Variants in MECR observed in about 807,000 individuals in gnomAD.
MECR encodes mitochondrial trans-2-enoyl-CoA reductase.
In MECR, 37 loss-of-function variants were observed where a neutral mutation model predicts 49.1. That is an observed-to-expected ratio of 0.75 (90% CI 0.58 to 0.99). The LOEUF (loss-of-function observed/expected upper bound fraction) is 0.99. Ranked by LOEUF, MECR falls within the 50% of genes least tolerant of loss-of-function variation. The probability of loss-of-function intolerance (pLI) is 0.00; values close to 1 mark genes in which losing one functional copy is unlikely to be tolerated. For synonymous variants in MECR, 198 were observed against 191.1 expected, an observed-to-expected ratio of 1.04 and a Z score of -0.30; for missense variants, 470 against 479.6, an observed-to-expected ratio of 0.98 and a Z score of 0.19.
At chr1:29,179,094 T>C in the MECR span, among the ~76,000 whole-genome samples, 4 of 152,206 alleles carry the variant, frequency 2.6e-5, no homozygotes, top group East Asian at 3.9e-4. Flanking sequence ...TTTCCTCTTA[T>C]CGCTCCATCT....
chr1:29,183,280 T>C, the MECR span, among the ~76,000 whole-genome samples: 1 of 152,244 alleles, frequency 6.6e-6, no homozygotes, highest in Non-Finnish European at 1.5e-5. Context: ...TTATGGTTCA[T>C]ACCATTTTAT....
downstream of MECR, among the ~76,000 whole-genome samples, chr1:29,190,291 C>T (rs1019745872): frequency 6.6e-5 from 10 of 152,054 alleles, no homozygotes; most frequent in African/African-American, 2.4e-5. Context: ...GGGAAAATGG[C>T]GTGAACCCGG....
intron 1 of MECR, chr1:29,224,644 T>C (rs1036840495): frequency 1.3e-5 from 2 of 151,776 alleles, no homozygotes; most frequent in African/African-American, 2.4e-5. Context: ...AGAAAGGGAC[T>C]GTGAAGGTCT....
intron 3 of MECR, among the ~76,000 whole-genome samples, chr1:29,213,412 T>C (rs910510801): frequency 1.3e-5 from 2 of 151,516 alleles, no homozygotes; most frequent in East Asian, 2.0e-4. Flanking sequence ...TTTTTTTTTT[T>C]CCTGCCTAGT....
At chr1:29,185,080 T>C in the MECR span, among the ~76,000 whole-genome samples, 1 of 150,442 alleles carries the variant, frequency 6.6e-6, no homozygotes, top group African/African-American at 2.4e-5. Flanking sequence ...GAGCCAAGAT[T>C]GTGCCATTGC....
downstream of MECR, among the ~76,000 whole-genome samples, chr1:29,192,246 C>T (rs1039738195): frequency 2.0e-5 from 3 of 152,202 alleles, no homozygotes; most frequent in Non-Finnish European, 4.4e-5. Flanking sequence ...TCCCACATTT[C>T]CCCCACGTCT....
chr1:29,215,529 G>C (rs188442393), intron 3 of MECR, among the ~76,000 whole-genome samples: 1 of 151,756 alleles, frequency 6.6e-6, no homozygotes, highest in East Asian at 1.9e-4. Context: ...CCGAGATCGC[G>C]TCACTGCACT....
intron 1 of MECR, among the ~76,000 whole-genome samples, chr1:29,217,356 C>G (rs1441623075): frequency 6.6e-6 from 1 of 150,428 alleles, no homozygotes; most frequent in African/African-American, 2.4e-5. Flanking sequence ...ACTAGAGGTG[C>G]CTGCCACCAC....
At chr1:29,202,735 C>T (rs1675615195) in intron 5 of MECR, among the ~76,000 whole-genome samples, 1 of 152,150 alleles carries the variant, frequency 6.6e-6, no homozygotes, top group Non-Finnish European at 1.5e-5. Context: ...CTTCCAAGTA[C>T]CACACAAAAG....
intron 3 of MECR, among the ~76,000 whole-genome samples, chr1:29,210,516 T>C (rs900766076): frequency 3.3e-5 from 5 of 152,208 alleles, no homozygotes; most frequent in Non-Finnish European, 7.3e-5. Flanking sequence ...AAATGCTTAG[T>C]GCAGGGCTTT....
chr1:29,177,893 A>ATTTTTTTT, the MECR span, among the ~76,000 whole-genome samples: 18 of 93,620 alleles, frequency 1.9e-4, 1 homozygote, highest in African/African-American at 7.5e-4. Flanking sequence ...ATTACACAAG[A>ATTTTTTTT]TTTTTTTTTT....
chr1:29,176,690 A>G, the MECR span, among the ~76,000 whole-genome samples: 1 of 152,316 alleles, frequency 6.6e-6, no homozygotes, highest in South Asian at 2.1e-4. Context: ...GAGCAGTGAC[A>G]TACACAACAA....
At chr1:29,174,749 T>C in the MECR span, among the ~76,000 whole-genome samples, 50 of 149,426 alleles carry the variant, frequency 3.3e-4, 1 homozygote, top group Non-Finnish European at 3.6e-4. Context: ...TCTAGGCTCA[T>C]TGCAACCTCC....
At chr1:29,196,498 G>C (rs1674033887) in intron 7 of MECR, among the ~76,000 whole-genome samples, 1 of 152,120 alleles carries the variant, frequency 6.6e-6, no homozygotes, top group Non-Finnish European at 1.5e-5. Context: ...ACCAGCTTGG[G>C]CAACAAAAGG....
At position 29,200,239 on chromosome 1, in the gene MECR, C is replaced by T. The variant is rs978714792; in HGVS notation, c.830+277G>A. On this transcript the variant is annotated intron_variant, in intron 7 of 9. Transcript: ENST00000263702. ...TTCAGACATCCCTAGGTTATAAATCCTTGACTATTCCTCTATGGCAGGCAG... is the reference window on the plus strand; with the variant it reads ...TTCAGACATCCCTAGGTTATAAATCTTTGACTATTCCTCTATGGCAGGCAG... The T allele has an allele frequency of 1.1e-5, 3 of 284,854 alleles. No individual in the cohort carries two copies. In the Admixed American group the frequency reaches 1.5e-4, roughly 14 times the overall value. The allele number at this position is 284,854 out of a possible 1,614,324, so 17.6% of individuals were successfully genotyped here.
chr1:29,216,026 T>C lies in MECR; in HGVS notation c.385A>G (p.Ile129Val). 6.2e-7 allele frequency: 1 copy of C among 1,614,130 alleles called. No individual in the cohort carries two copies. The highest frequency in any genetic ancestry group is 8.5e-7 in the Non-Finnish European group (1 of 1,179,984). Residue 129 changes from isoleucine to valine, a missense_variant, in exon 3 of 10, where the codon ATT (isoleucine) becomes GTT (valine). By Grantham distance (29) the Ile-to-Val change is conservative (BLOSUM62 3). Coordinates refer to ENST00000263702, the MANE Select transcript of MECR (RefSeq NM_016011.5). ...VTGLKPGDWV[I>V]PANAGLGTWR... ...TCACCTAAACCAGCATTTGCTGGAA[T>C]CACCCAGTCTCCTGGCTTCAGCCCG... is the stretch of plus-strand genomic sequence containing the variant.
chr1:29,190,939 A>G (rs1351608372), downstream of MECR, among the ~76,000 whole-genome samples: 2 of 152,180 alleles, frequency 1.3e-5, no homozygotes, highest in Non-Finnish European at 1.5e-5. Context: ...TACCCACCTA[A>G]AAGTTGTAGG....
At chr1:29,226,203 C>T (rs1310741732) in intron 1 of MECR, among the ~76,000 whole-genome samples, 4 of 134,816 alleles carry the variant, frequency 3.0e-5, no homozygotes, top group East Asian at 2.2e-4. Context: ...AAAGACAGAA[C>T]GGGTATATGT....
intron 3 of MECR, among the ~76,000 whole-genome samples, chr1:29,213,228 C>A (rs188685758): frequency 6.6e-6 from 1 of 152,224 alleles, no homozygotes; most frequent in African/African-American, 2.4e-5. Context: ...TCACTTAGCA[C>A]GGGGGCTGGC....
Sources: gnomAD v4.1 joint callset for allele counts (sites outside exome capture counted in the v4.1 genomes callset) on GRCh38, gnomAD v4.1.1 for gene constraint, MANE v1.5 for transcripts, NCBI Gene and HGNC (gene_info 2026-07-23, HGNC 2026-07-21) for gene names.